The following LYRM4 variants were observed in gnomAD, a reference collection of about 807,000 sequenced individuals.
The protein encoded by LYRM4 is LYR motif containing 4.
A neutral mutation model predicts 11.7 loss-of-function variants in LYRM4; 9 were observed. The observed-to-expected ratio is 0.77, with a 90% CI of 0.46 to 1.34. The LOEUF is 1.34. Ranked by LOEUF, LYRM4 falls within the 40% of genes most tolerant of loss-of-function variation. The probability of loss-of-function intolerance (pLI) is 0.00; values close to 1 mark genes in which losing one functional copy is unlikely to be tolerated. For missense variants in LYRM4, 133 were observed against 112.5 expected, an observed-to-expected ratio of 1.18 and a Z score of -0.82; for synonymous variants, 42 against 40.4, an observed-to-expected ratio of 1.04 and a Z score of -0.15.
At chr6:5,112,477 A>T (rs1388022658) in intron 2 of LYRM4, among the ~76,000 whole-genome samples, 2 of 152,228 alleles carry the variant, frequency 1.3e-5, no homozygotes, top group African/African-American at 4.8e-5. Flanking sequence ...GCATACACAG[A>T]ACACAATGCA....
At chr6:5,085,994 G>T in the LYRM4 span, 1 of 1,525,108 alleles carries the variant, frequency 6.6e-7, no homozygotes, top group Non-Finnish European at 8.8e-7. Context: ...TTCCCTATGC[G>T]TGCCGAGGAC....
chr6:5,088,852 G>C, the LYRM4 span: 2 of 152,180 alleles, frequency 1.3e-5, no homozygotes, highest in African/African-American at 4.8e-5. Flanking sequence ...GAATCTACCT[G>C]TTGCCTTCTT....
the LYRM4 span, among the ~76,000 whole-genome samples, chr6:5,035,578 TCC>T: frequency 0.28 from 13 of 46 alleles, 1 homozygote; most frequent in South Asian, 0.5. Context: ...TCCCCTCCTT[TCC>T]CTCCCTCCCC....
At chr6:5,127,108 C>T (rs1581330247) in intron 2 of LYRM4, among the ~76,000 whole-genome samples, 2 of 152,212 alleles carry the variant, frequency 1.3e-5, no homozygotes, top group South Asian at 2.1e-4. Flanking sequence ...CGCCACCACA[C>T]CTGGCTAATT....
At chr6:5,071,207 T>A in the LYRM4 span, among the ~76,000 whole-genome samples, 11 of 148,344 alleles carry the variant, frequency 7.4e-5, no homozygotes, top group East Asian at 1.8e-3. Context: ...AAAAAATTTA[T>A]AATGTAAGTA....
At chr6:5,226,603 C>T (rs1463531453) in intron 1 of LYRM4, among the ~76,000 whole-genome samples, 1 of 152,142 alleles carries the variant, frequency 6.6e-6, no homozygotes, top group Non-Finnish European at 1.5e-5. Flanking sequence ...TCTCAAACTC[C>T]CGACCTCAGG....
chr6:5,241,069 T>A (rs1440180320), intron 1 of LYRM4, among the ~76,000 whole-genome samples: 1 of 152,242 alleles, frequency 6.6e-6, no homozygotes, highest in East Asian at 1.9e-4. Context: ...AACTGCAGCT[T>A]TCTTGTTTGC....
At chr6:5,080,197 G>T in the LYRM4 span, among the ~76,000 whole-genome samples, 1 of 152,224 alleles carries the variant, frequency 6.6e-6, no homozygotes, top group Non-Finnish European at 1.5e-5. Flanking sequence ...AGTATTCAAG[G>T]TGGAGTACAT....
Position 5,216,743 on chromosome 6 carries a change from A to G in LYRM4, c.87-5T>C, listed in dbSNP as rs769788448. ...ATCCTCCTGACAGCATATGTTCTAA[A>G]TGAATTCAGAGGAAAAAAAAGAAAA... On this transcript the variant is annotated splice_region_variant and splice_polypyrimidine_tract_variant and intron_variant, in intron 1 of 2. Coordinates refer to ENST00000330636, the MANE Select transcript of LYRM4 (RefSeq NM_020408.6). 2 of 1,609,972 alleles carry G rather than the reference A, an allele frequency of 1.2e-6. No homozygotes were observed. Among genetic ancestry groups the G allele is most frequent in the African/African-American group, 2.7e-5 (2 of 74,668 alleles).
intron 1 of LYRM4, among the ~76,000 whole-genome samples, chr6:5,234,695 C>A (rs938970016): frequency 6.6e-6 from 1 of 151,314 alleles, no homozygotes; most frequent in Non-Finnish European, 1.5e-5. Flanking sequence ...ATAAAAATAT[C>A]GAAGAAGGAA....
chr6:5,260,552 T>A, intron 1 of LYRM4, 96 bp downstream of exon 1: 1 of 1,473,888 alleles, frequency 6.8e-7, no homozygotes, highest in Non-Finnish European at 9.1e-7. Context: ...CAAACCACGG[T>A]GGCTCCCAGT....
At chr6:5,157,176 A>G (rs1383881345) in intron 2 of LYRM4, among the ~76,000 whole-genome samples, 1 of 152,250 alleles carries the variant, frequency 6.6e-6, no homozygotes, top group South Asian at 2.1e-4. Context: ...AGAGTTACTA[A>G]GCGAAAGCAC....
chr6:5,246,378 G>A (rs1460139314), intron 1 of LYRM4, among the ~76,000 whole-genome samples: 1 of 152,178 alleles, frequency 6.6e-6, no homozygotes, highest in Non-Finnish European at 1.5e-5. Context: ...GGGTGAGACC[G>A]TGCAGGTTCT....
intron 2 of LYRM4, among the ~76,000 whole-genome samples, chr6:5,119,811 A>C (rs943609803): frequency 3.3e-5 from 5 of 151,456 alleles, no homozygotes; most frequent in South Asian, 2.1e-4. Context: ...AAAAAAAAAA[A>C]AAAAAAAAAC....
At chr6:5,129,451 G>A (rs973709853) in intron 2 of LYRM4, among the ~76,000 whole-genome samples, 3 of 152,124 alleles carry the variant, frequency 2.0e-5, no homozygotes, top group Admixed American at 6.5e-5. Flanking sequence ...GGCCTCCTGC[G>A]TTGCTTAGCC....
the LYRM4 span, chr6:5,043,121 A>C: frequency 1.3e-5 from 2 of 152,184 alleles, no homozygotes; most frequent in Non-Finnish European, 2.9e-5. Context: ...CCTTGGTTAC[A>C]CACAAATATC....
chr6:5,225,948 C>T (rs1305275283), intron 1 of LYRM4, among the ~76,000 whole-genome samples: 3 of 152,164 alleles, frequency 2.0e-5, no homozygotes, highest in Non-Finnish European at 4.4e-5. Context: ...ATGATGTCCA[C>T]CACATTGTCC....
the LYRM4 span, among the ~76,000 whole-genome samples, chr6:5,058,985 G>C: frequency 1.3e-5 from 2 of 152,180 alleles, no homozygotes; most frequent in East Asian, 3.8e-4. Flanking sequence ...CAAGACCTCT[G>C]CTCTCCTAAT....
At chr6:5,122,760 G>T (rs462749) in intron 2 of LYRM4, among the ~76,000 whole-genome samples, 88,714 of 152,088 alleles carry the variant, frequency 0.58, 26,930 homozygotes, top group East Asian at 0.81. Context: ...AAGAAATGGT[G>T]GTGAATACCA....
Sources: gnomAD v4.1 joint callset for allele counts (sites outside exome capture counted in the v4.1 genomes callset) on GRCh38, gnomAD v4.1.1 for gene constraint, MANE v1.5 for transcripts, NCBI Gene and HGNC (gene_info 2026-07-23, HGNC 2026-07-21) for gene names.